The following GNAL variants were observed in gnomAD, a reference collection of about 807,000 sequenced individuals.
GNAL encodes guanine nucleotide-binding protein G(olf) subunit alpha.
In GNAL, 18 loss-of-function variants were observed where a neutral mutation model predicts 55.1. The ratio of observed to expected loss-of-function variants is 0.33; its 90% CI spans 0.23 to 0.48. The LOEUF (loss-of-function observed/expected upper bound fraction) is 0.48, where lower values mean the gene tolerates loss of function less well. Ranked by LOEUF, GNAL falls within the 20% of genes least tolerant of loss-of-function variation. The pLI, the probability that GNAL is intolerant of heterozygous loss-of-function variation, is 0.99. For synonymous variants in GNAL, 253 were observed against 237.0 expected, an observed-to-expected ratio of 1.07 and a Z score of -0.62; for missense variants, 412 against 614.1, an observed-to-expected ratio of 0.67 and a Z score of 3.48.
chr18:11,739,385 T>C (rs961202301), intron 1 of GNAL, among the ~76,000 whole-genome samples: 3 of 152,328 alleles, frequency 2.0e-5, no homozygotes, highest in African/African-American at 7.2e-5. Flanking sequence ...ATCATGGCCG[T>C]TGACTCCCAA....
intron 1 of GNAL, among the ~76,000 whole-genome samples, chr18:11,695,563 C>G (rs2031380475): frequency 6.6e-6 from 1 of 152,150 alleles, no homozygotes; most frequent in Non-Finnish European, 1.5e-5. Flanking sequence ...GAGTCAATGC[C>G]ATTGATTTTT....
At chr18:11,695,914 G>T (rs374319792) in intron 1 of GNAL, among the ~76,000 whole-genome samples, 2,630 of 147,008 alleles carry the variant, frequency 0.018, 27 homozygotes, top group Non-Finnish European at 0.027. Context: ...AGACATGCAT[G>T]CACGCATGCA....
intron 5 of GNAL, among the ~76,000 whole-genome samples, chr18:11,834,643 T>G (rs1023638055): frequency 2.6e-5 from 4 of 152,078 alleles, no homozygotes; most frequent in Non-Finnish European, 5.9e-5. Flanking sequence ...GCTGGAGCCT[T>G]GGAGTTTGAG....
At chr18:11,788,637 G>A (rs891246203) in intron 4 of GNAL, among the ~76,000 whole-genome samples, 1 of 151,830 alleles carries the variant, frequency 6.6e-6, no homozygotes, top group African/African-American at 2.4e-5. Context: ...TTTGGAAGAC[G>A]GAGGCAGGCG....
In GNAL at chr18:11,885,465, GCT is replaced by G; in HGVS notation, c.*4331_*4332del. The G allele has an allele frequency of 3.4e-6, 2 of 592,826 alleles. No individual in the cohort carries two copies. Among genetic ancestry groups the G allele is most frequent in the East Asian group, 6.0e-5 (2 of 33,222 alleles). 36.7% of individuals were successfully genotyped at this position (592,826 alleles called of 1,614,324 possible). A position where few individuals can be genotyped will look rare whatever the true frequency, so the allele number is the denominator to read the frequency against. On this transcript the variant is annotated 3_prime_UTR_variant, in exon 12 of 12. Coordinates refer to ENST00000334049, the MANE Select transcript of GNAL (RefSeq NM_182978.4). ...TCCACCTGGACGGTGCCCTGCCCTC[GCT>G]TCTCACATTAACTGCCCAGGAATGT...
intron 1 of GNAL, among the ~76,000 whole-genome samples, chr18:11,694,238 C>G (rs2031342166): frequency 1.3e-5 from 2 of 152,078 alleles, no homozygotes; most frequent in South Asian, 4.1e-4. Flanking sequence ...TCCCATAGTC[C>G]TCTAGTGGAA....
chr18:11,736,598 G>C (rs1490409733), intron 1 of GNAL, among the ~76,000 whole-genome samples: 2 of 152,190 alleles, frequency 1.3e-5, no homozygotes, highest in Non-Finnish European at 1.5e-5. Flanking sequence ...TTGCTGTTTA[G>C]AAGCTGCTGG....
intron 5 of GNAL, among the ~76,000 whole-genome samples, chr18:11,849,399 G>T (rs924755878): frequency 6.6e-6 from 1 of 151,352 alleles, no homozygotes; most frequent in Admixed American, 6.6e-5. Flanking sequence ...CTACTCGGGA[G>T]ACTGAGGCAG....
chr18:11,815,203 GTATA>G (rs1259346966), intron 4 of GNAL, among the ~76,000 whole-genome samples: 3 of 152,046 alleles, frequency 2.0e-5, no homozygotes, highest in African/African-American at 7.2e-5. Context: ...ATTATACTAT[GTATA>G]TACTCATTGA....
intron 1 of GNAL, among the ~76,000 whole-genome samples, chr18:11,722,665 G>A (rs534836519): frequency 6.6e-6 from 1 of 152,266 alleles, no homozygotes; most frequent in South Asian, 2.1e-4. Context: ...GATGTCAGGA[G>A]TGAGTTCGAG....
intron 1 of GNAL, among the ~76,000 whole-genome samples, chr18:11,748,159 A>C (rs902585499): frequency 2.6e-5 from 4 of 152,170 alleles, no homozygotes; most frequent in African/African-American, 7.2e-5. Flanking sequence ...TTGAATTCCT[A>C]CCTGAAAATA....
At chr18:11,747,729 A>G (rs1396737492) in intron 1 of GNAL, 2 of 151,966 alleles carry the variant, frequency 1.3e-5, no homozygotes, top group African/African-American at 4.8e-5. Flanking sequence ...AAGAAAGAAA[A>G]AGACTTCTGA....
At chr18:11,879,913 C>G (rs9954320) in intron 11 of GNAL, among the ~76,000 whole-genome samples, 15,605 of 152,314 alleles carry the variant, frequency 0.1, 1,213 homozygotes, top group African/African-American at 0.22. Flanking sequence ...AGGCCGCCAC[C>G]GGGCCGCTGC....
chr18:11,842,156 T>C (rs1196253162), intron 5 of GNAL, among the ~76,000 whole-genome samples: 2 of 151,952 alleles, frequency 1.3e-5, no homozygotes, highest in African/African-American at 2.4e-5. Flanking sequence ...ATATGTTTTT[T>C]TTTTAGTAGA....
intron 4 of GNAL, among the ~76,000 whole-genome samples, chr18:11,767,488 C>T (rs1461905451): frequency 6.6e-6 from 1 of 151,640 alleles, no homozygotes; most frequent in Non-Finnish European, 1.5e-5. Context: ...GCTCTTGCTG[C>T]TTGCATGCCT....
At chr18:11,867,410 G>C (rs2036287328) in intron 8 of GNAL, among the ~76,000 whole-genome samples, 184 bp downstream of exon 8, 1 of 152,168 alleles carries the variant, frequency 6.6e-6, no homozygotes, top group African/African-American at 2.4e-5. Context: ...CTGACACGGT[G>C]GCTCACGCCC....
At chr18:11,765,176 C>G (rs1233216102) in intron 4 of GNAL, among the ~76,000 whole-genome samples, 1 of 152,170 alleles carries the variant, frequency 6.6e-6, no homozygotes, top group Non-Finnish European at 1.5e-5. Flanking sequence ...ACCAAGAAAT[C>G]GGGGCTTGAG....
At chr18:11,870,988 T>C (rs1258005057) in intron 9 of GNAL, among the ~76,000 whole-genome samples, 1 of 152,154 alleles carries the variant, frequency 6.6e-6, no homozygotes, top group Non-Finnish European at 1.5e-5. Flanking sequence ...AGTGGGAAAA[T>C]GACCACAATC....
chr18:11,859,177 G>A (rs2036073767), intron 5 of GNAL, among the ~76,000 whole-genome samples: 1 of 152,112 alleles, frequency 6.6e-6, no homozygotes, highest in Non-Finnish European at 1.5e-5. Flanking sequence ...TCATCAGAGC[G>A]AATTCATTTC....
Sources: allele counts gnomAD v4.1 joint callset (sites outside exome capture counted in the v4.1 genomes callset), GRCh38; gene constraint gnomAD v4.1.1; transcripts MANE v1.5; gene names NCBI Gene and HGNC (gene_info 2026-07-23, HGNC 2026-07-21).